The following SNTB2 variants were observed in gnomAD, a reference collection of about 807,000 sequenced individuals.
SNTB2 encodes beta-2-syntrophin.
In SNTB2, 34 loss-of-function variants were observed where a neutral mutation model predicts 46.2. That is an observed-to-expected ratio of 0.74 (90% CI 0.56 to 0.98). The LOEUF (loss-of-function observed/expected upper bound fraction) is 0.98. Ranked by LOEUF, SNTB2 falls within the 50% of genes least tolerant of loss-of-function variation. SNTB2 has a pLI of 0.00. For missense variants in SNTB2, 603 were observed against 731.4 expected, an observed-to-expected ratio of 0.82 and a Z score of 2.02; for synonymous variants, 290 against 312.6, an observed-to-expected ratio of 0.93 and a Z score of 0.76.
At chr16:69,286,858 G>A (rs1965108397) in intron 5 of SNTB2, among the ~76,000 whole-genome samples, 1 of 152,096 alleles carries the variant, frequency 6.6e-6, no homozygotes, top group South Asian at 2.1e-4. Flanking sequence ...CTCCAGCCTG[G>A]ACAACATAGT....
intron 1 of SNTB2, among the ~76,000 whole-genome samples, chr16:69,210,694 A>G (rs900154561): frequency 6.6e-6 from 1 of 151,954 alleles, no homozygotes; most frequent in African/African-American, 2.4e-5. Flanking sequence ...GCTAATTTTT[A>G]AGAAATATAT....
chr16:69,187,970 T>C (rs987985108), intron 1 of SNTB2, among the ~76,000 whole-genome samples: 3 of 151,992 alleles, frequency 2.0e-5, no homozygotes, highest in Non-Finnish European at 2.9e-5. Context: ...TCGGCTGAGA[T>C]TGAGTAAAAA....
chr16:69,253,917 A>T (rs1964749145), intron 2 of SNTB2, among the ~76,000 whole-genome samples: 1 of 152,158 alleles, frequency 6.6e-6, no homozygotes, highest in Non-Finnish European at 1.5e-5. Context: ...GACTTTCAGA[A>T]GGTGAACATT....
intron 3 of SNTB2, among the ~76,000 whole-genome samples, chr16:69,263,287 T>A (rs895882475): frequency 2.0e-5 from 3 of 152,084 alleles, no homozygotes; most frequent in Non-Finnish European, 2.9e-5. Context: ...TAAAATTATT[T>A]TTTGTAGAGA....
intron 3 of SNTB2, among the ~76,000 whole-genome samples, chr16:69,260,963 A>G (rs1281396472): frequency 1.3e-5 from 2 of 152,336 alleles, no homozygotes; most frequent in Non-Finnish European, 2.9e-5. Flanking sequence ...GTTATTTTAG[A>G]TCCCAGGTTT....
rs397706857 is a variant in SNTB2, at chr16:69,237,603, C to CTTT, written c.581-7984_581-7982dup. Among the ~76,000 whole-genome samples, 362 of 118,722 alleles carry CTTT rather than the reference C, an allele frequency of 3.0e-3. 9 individuals carry two copies. The highest frequency in any genetic ancestry group is 0.012 in the African/African-American group (353 of 30,040). 77.9% of individuals were successfully genotyped at this position (118,722 alleles called of 152,430 possible). A position where few individuals can be genotyped will look rare whatever the true frequency, so the allele number is the denominator to read the frequency against. On this transcript the variant is annotated intron_variant, in intron 1 of 6. Transcript: ENST00000336278. ...TTTTTTTTTCTTTCTTTCTTTCTTT[C>CTTT]TTTTTTTTTTTTTTTTTGAGGCAGA...
chr16:69,224,115 G>A (rs932589569), intron 1 of SNTB2, among the ~76,000 whole-genome samples: 1 of 152,112 alleles, frequency 6.6e-6, no homozygotes, highest in Non-Finnish European at 1.5e-5. Flanking sequence ...ATATTGGGCA[G>A]GGGTGGGATA....
At chr16:69,228,404 G>A (rs148032578) in intron 1 of SNTB2, among the ~76,000 whole-genome samples, 3,448 of 150,950 alleles carry the variant, frequency 0.023, 131 homozygotes, top group African/African-American at 0.08. Flanking sequence ...TACTTGGGAG[G>A]TTGAGGTGGG....
intron 4 of SNTB2, among the ~76,000 whole-genome samples, chr16:69,272,169 G>C (rs1051779282): frequency 6.6e-6 from 1 of 152,044 alleles, no homozygotes; most frequent in Non-Finnish European, 1.5e-5. Context: ...TCACCATCAA[G>C]AAAGTGAAAA....
intron 3 of SNTB2, among the ~76,000 whole-genome samples, chr16:69,265,564 C>A (rs1164688220): frequency 1.3e-5 from 2 of 152,066 alleles, no homozygotes; most frequent in African/African-American, 4.8e-5. Context: ...AGTGGTGGCT[C>A]ACACCTGTAA....
chr16:69,191,187 C>T (rs1200273644), intron 1 of SNTB2: 4 of 149,892 alleles, frequency 2.7e-5, no homozygotes, highest in African/African-American at 9.8e-5. Flanking sequence ...TTATTTGTTC[C>T]TTCTCCACTC....
chr16:69,197,969 A>G (rs1465562861), intron 1 of SNTB2, among the ~76,000 whole-genome samples: 2 of 152,194 alleles, frequency 1.3e-5, no homozygotes, highest in Admixed American at 1.3e-4. Context: ...AAAAAATTAA[A>G]CTGGCTCTGG....
At chr16:69,274,157 C>CA (rs1265053232) in intron 4 of SNTB2, among the ~76,000 whole-genome samples, 1 of 151,326 alleles carries the variant, frequency 6.6e-6, no homozygotes, top group Non-Finnish European at 1.5e-5. Flanking sequence ...ACTAAAAATA[C>CA]AAAAATTAGC....
At chr16:69,259,769 C>A (rs530501452) in intron 2 of SNTB2, among the ~76,000 whole-genome samples, 5 of 151,462 alleles carry the variant, frequency 3.3e-5, no homozygotes, top group African/African-American at 1.2e-4. Context: ...ACCACCATGT[C>A]CGGCTAATTT....
chr16:69,192,489 T>C (rs1363026587), intron 1 of SNTB2, among the ~76,000 whole-genome samples: 1 of 152,236 alleles, frequency 6.6e-6, no homozygotes, highest in African/African-American at 2.4e-5. Context: ...AACTGTCTGC[T>C]GTCTCTGGGG....
intron 1 of SNTB2, among the ~76,000 whole-genome samples, chr16:69,227,313 TGACA>T (rs1344273436): frequency 6.6e-6 from 1 of 152,248 alleles, no homozygotes; most frequent in African/African-American, 2.4e-5. Flanking sequence ...CTCAATGCAC[TGACA>T]ATTTTTGACC....
At chr16:69,217,496 A>T (rs968272977) in intron 1 of SNTB2, among the ~76,000 whole-genome samples, 7 of 152,190 alleles carry the variant, frequency 4.6e-5, no homozygotes, top group African/African-American at 1.2e-4. Context: ...TAAAAATTTT[A>T]AAATGCTCAC....
chr16:69,211,034 G>T (rs1356082209), intron 1 of SNTB2, among the ~76,000 whole-genome samples: 1 of 151,912 alleles, frequency 6.6e-6, no homozygotes, highest in Non-Finnish European at 1.5e-5. Context: ...TTGCTGTGTT[G>T]CCCAGGGTGG....
At chr16:69,255,786 G>A (rs1207920817) in intron 2 of SNTB2, among the ~76,000 whole-genome samples, 1 of 151,316 alleles carries the variant, frequency 6.6e-6, no homozygotes, top group African/African-American at 2.4e-5. Context: ...GCTGAGGCAG[G>A]AGAATCGCTT....
Sources: gnomAD v4.1 joint callset for allele counts (sites outside exome capture counted in the v4.1 genomes callset) on GRCh38, gnomAD v4.1.1 for gene constraint, MANE v1.5 for transcripts, NCBI Gene and HGNC (gene_info 2026-07-23, HGNC 2026-07-21) for gene names.